Variants in FTCDNL1 observed in about 807,000 individuals in gnomAD.
FTCDNL1 encodes the protein formiminotransferase cyclodeaminase N-terminal like.
A neutral mutation model predicts 5.9 loss-of-function variants in FTCDNL1; 11 were observed. The ratio of observed to expected loss-of-function variants is 1.87; its 90% CI spans 1.18 to 3.10. The LOEUF is 3.10. Among genes scored for constraint, FTCDNL1 ranks in the 30% most tolerant of loss-of-function variants. The pLI, the probability that FTCDNL1 is intolerant of heterozygous loss-of-function variation, is 0.00. For missense variants in FTCDNL1, 115 were observed against 65.5 expected (o/e 1.76, Z -2.61); for synonymous variants, 58 against 24.8 (o/e 2.34, Z -3.99).
intron 3 of FTCDNL1, among the ~76,000 whole-genome samples, chr2:199,780,465 C>T (rs559366939): frequency 2.5e-4 from 38 of 152,234 alleles, no homozygotes; most frequent in African/African-American, 8.4e-4. Flanking sequence ...GTTCTGGGAT[C>T]AGTTTCTTCA....
chr2:199,668,793 GT>G, the FTCDNL1 span, among the ~76,000 whole-genome samples: 3 of 152,114 alleles, frequency 2.0e-5, no homozygotes, highest in African/African-American at 7.2e-5. Context: ...ATTGCAAAGA[GT>G]AGAGAGAAAC....
At chr2:199,837,094 C>T (rs1016647282) in intron 3 of FTCDNL1, among the ~76,000 whole-genome samples, 3 of 152,186 alleles carry the variant, frequency 2.0e-5, no homozygotes, top group Admixed American at 1.3e-4. Context: ...TCCCATTTGG[C>T]CTTTCCTTCT....
At chr2:199,813,225 T>C (rs569550101) in intron 4 of FTCDNL1, among the ~76,000 whole-genome samples, 65 of 152,260 alleles carry the variant, frequency 4.3e-4, no homozygotes, top group Non-Finnish European at 7.8e-4. Context: ...GACAAAACAA[T>C]AGCGAAGAGC....
chr2:199,675,941 G>A, the FTCDNL1 span, among the ~76,000 whole-genome samples: 1 of 152,112 alleles, frequency 6.6e-6, no homozygotes, highest in Non-Finnish European at 1.5e-5. Flanking sequence ...TGTAGAGACA[G>A]GGGTCTCACT....
the FTCDNL1 span, among the ~76,000 whole-genome samples, chr2:199,707,784 A>G: frequency 6.6e-6 from 1 of 152,064 alleles, no homozygotes; most frequent in African/African-American, 2.4e-5. Context: ...TTTGACTTAC[A>G]TAATTTGTGA....
chr2:199,787,116 C>T (rs984629613), intron 3 of FTCDNL1, among the ~76,000 whole-genome samples: 4 of 152,196 alleles, frequency 2.6e-5, no homozygotes, highest in Non-Finnish European at 4.4e-5. Flanking sequence ...TCCTTTGGCC[C>T]GCTCAGATAT....
chr2:199,714,420 T>C, the FTCDNL1 span, among the ~76,000 whole-genome samples: 1 of 152,214 alleles, frequency 6.6e-6, no homozygotes, highest in South Asian at 2.1e-4. Context: ...ATACATATGG[T>C]GACAGAATAA....
the FTCDNL1 span, among the ~76,000 whole-genome samples, chr2:199,685,418 A>G: frequency 6.6e-6 from 1 of 152,006 alleles, no homozygotes; most frequent in Non-Finnish European, 1.5e-5. Context: ...TCCTCTCTAC[A>G]CGCATCCTCT....
downstream of FTCDNL1, among the ~76,000 whole-genome samples, chr2:199,756,525 T>TA (rs750835797): frequency 1.9e-4 from 29 of 152,300 alleles, no homozygotes; most frequent in Admixed American, 5.2e-4. Flanking sequence ...TTTCACACTC[T>TA]AAAGTCCTAT....
At chr2:199,666,830 T>C in the FTCDNL1 span, among the ~76,000 whole-genome samples, 1 of 151,450 alleles carries the variant, frequency 6.6e-6, no homozygotes, top group Admixed American at 6.6e-5. Context: ...CAGAATTTCT[T>C]GACCCCAGGA....
chr2:199,742,430 T>A, the FTCDNL1 span, among the ~76,000 whole-genome samples: 1 of 152,212 alleles, frequency 6.6e-6, no homozygotes. Flanking sequence ...TGTTCGGGGA[T>A]CAACGCCTGG....
the FTCDNL1 span, among the ~76,000 whole-genome samples, chr2:199,693,249 C>T: frequency 5.3e-5 from 8 of 152,104 alleles, no homozygotes; most frequent in African/African-American, 1.4e-4. Flanking sequence ...ATGATTATGA[C>T]GTATAGAAGT....
chr2:199,673,327 CAAAAAAAAA>C, the FTCDNL1 span, among the ~76,000 whole-genome samples: 2 of 69,762 alleles, frequency 2.9e-5, no homozygotes, highest in African/African-American at 1.2e-4. Context: ...GACTCTGTCT[CAAAAAAAAA>C]AAAAAAAAAA....
chr2:199,763,109 C>T (rs140313030), intron 3 of FTCDNL1, among the ~76,000 whole-genome samples: 4 of 152,318 alleles, frequency 2.6e-5, no homozygotes, highest in Non-Finnish European at 5.9e-5. Flanking sequence ...TATCTTCTGA[C>T]CAAAAAGCAC....
chr2:199,718,244 A>G, the FTCDNL1 span, among the ~76,000 whole-genome samples: 8 of 152,180 alleles, frequency 5.3e-5, no homozygotes, highest in Non-Finnish European at 8.8e-5. Flanking sequence ...GTAGTGTCCA[A>G]TGTCCACTAT....
chr2:199,787,325 G>A (rs889574747), intron 3 of FTCDNL1, among the ~76,000 whole-genome samples: 4 of 152,020 alleles, frequency 2.6e-5, no homozygotes, highest in African/African-American at 9.7e-5. Flanking sequence ...TGGGATAACA[G>A]GCGCACACTA....
chr2:199,708,827 G>C, the FTCDNL1 span, among the ~76,000 whole-genome samples: 294 of 152,234 alleles, frequency 1.9e-3, 5 homozygotes, highest in Admixed American at 0.017. Flanking sequence ...GCATGCCTTA[G>C]TATTTAGTAA....
At chr2:199,701,299 TAAAAAAAAAAAAAAAAAAAAA>T in the FTCDNL1 span, among the ~76,000 whole-genome samples, 78 of 72,382 alleles carry the variant, frequency 1.1e-3, no homozygotes, top group Non-Finnish European at 1.4e-3. Flanking sequence ...CTTGAAAGTT[TAAAAAAAAAAAAAAAAAAAAA>T]AAAAAAAAAA....
At chr2:199,801,492 A>G (rs1700448072) in intron 3 of FTCDNL1, among the ~76,000 whole-genome samples, 1 of 152,070 alleles carries the variant, frequency 6.6e-6, no homozygotes, top group South Asian at 2.1e-4. Flanking sequence ...ATCAAAAATA[A>G]AAAGTAAAAA....
Sources: allele counts gnomAD v4.1 joint callset (sites outside exome capture counted in the v4.1 genomes callset), GRCh38; gene constraint gnomAD v4.1.1; transcripts MANE v1.5; gene names NCBI Gene and HGNC (gene_info 2026-07-23, HGNC 2026-07-21).